PER3: variants seen among roughly 807,000 people sequenced by gnomAD.
The protein encoded by PER3 is period circadian regulator 3.
A neutral mutation model predicts 127.2 loss-of-function variants in PER3; 107 were observed. The ratio of observed to expected loss-of-function variants is 0.84; its 90% CI spans 0.72 to 0.99. The LOEUF (loss-of-function observed/expected upper bound fraction) is 0.99, where lower values mean the gene tolerates loss of function less well. PER3 is among the 50% of genes least tolerant of loss of function. The pLI is 0.00. For missense variants in PER3, 1,560 were observed against 1,525.8 expected (o/e 1.02, Z -0.37); for synonymous variants, 618 against 585.8 (o/e 1.05, Z -0.79).
chr1:7,825,443 T>C (rs760251201), intron 16 of PER3, among the ~76,000 whole-genome samples: 72 of 152,346 alleles, frequency 4.7e-4, no homozygotes, highest in Non-Finnish European at 8.7e-4. Context: ...CGCAGCAGTG[T>C]AGAAGTATGA....
Position 7,826,653 on chromosome 1 carries a change from T to C in PER3, c.2131T>C (p.Tyr711His). Reference sequence around the variant, plus strand: ...CCGAGAAAAGATCCTGTCATCACCCTACAGCTCCTATCTTCAGCAAGAAAG... The same window carrying C: ...CCGAGAAAAGATCCTGTCATCACCCCACAGCTCCTATCTTCAGCAAGAAAG... ...KFREKILSSP[Y>H]SSYLQQESRS... The change falls in exon 17 of 22, where the codon TAC becomes CAC. Residue 711 changes from tyrosine (Y) to histidine (H), a missense_variant. Physicochemically the swap from Tyr to His is moderately conservative, Grantham distance 83. Coordinates refer to ENST00000377532, the MANE Select transcript of PER3 (RefSeq NM_001377275.1). This position sits in a 1 kb window ranked among gnomAD's most constrained non-coding sequence, Gnocchi z 4.2. The C allele has an allele frequency of 6.2e-7, 1 of 1,613,554 alleles. No individual in the cohort carries two copies. The highest frequency in any genetic ancestry group is 8.5e-7 in the Non-Finnish European group (1 of 1,179,444).
intron 13 of PER3, among the ~76,000 whole-genome samples, chr1:7,814,459 G>A (rs1327981335): frequency 4.6e-5 from 7 of 152,208 alleles, no homozygotes; most frequent in South Asian, 4.1e-4. Context: ...CAGAAAAACT[G>A]TCAGCACAGA....
rs1377718323 is a variant in PER3 at position 7,827,763 on chromosome 1, C to A, written c.2834C>A (p.Pro945His). 1 of 1,613,838 alleles carries A rather than the reference C, an allele frequency of 6.2e-7. No homozygotes were observed. The highest frequency in any genetic ancestry group is 8.5e-7 in the Non-Finnish European group (1 of 1,180,018). The change falls in exon 18 of 22, where the codon CCC becomes CAC. Residue 945 changes from proline (P) to histidine (H), a missense_variant. Coordinates refer to ENST00000377532, the MANE Select transcript of PER3 (RefSeq NM_001377275.1). Reference sequence around the variant, plus strand: ...TTACTTCAGGAAGAGATGCCCAGACCCTCTGAATCTCCAGATCAGATGAGA... The same window carrying A: ...TTACTTCAGGAAGAGATGCCCAGACACTCTGAATCTCCAGATCAGATGAGA... ...LNLLQEEMPR[P>H]SESPDQMRRN...
chr1:7,817,590 C>T (rs756502818), intron 13 of PER3, among the ~76,000 whole-genome samples: 29 of 152,200 alleles, frequency 1.9e-4, no homozygotes, highest in Non-Finnish European at 3.2e-4. Context: ...GATGACCAGA[C>T]TCCTCACTAT....
At chr1:7,817,449 T>C (rs1325999612) in intron 13 of PER3, among the ~76,000 whole-genome samples, 1 of 152,168 alleles carries the variant, frequency 6.6e-6, no homozygotes, top group Non-Finnish European at 1.5e-5. Flanking sequence ...TAGGGCTAAA[T>C]ACAAAATTAT....
intron 21 of PER3, 147 bp from the exon 22 acceptor site, chr1:7,842,525 A>G (rs1380501939): frequency 4.1e-6 from 3 of 737,598 alleles, no homozygotes; most frequent in Non-Finnish European, 5.5e-6. Flanking sequence ...AATAGTTATA[A>G]TAATAATAAA....
chr1:7,827,364 T>G lies in PER3; in HGVS notation c.2435T>G (p.Leu812Arg), dbSNP rs776616940. The G allele has an allele frequency of 6.2e-7, 1 of 1,613,812 alleles. No individual in the cohort carries two copies. The highest frequency in any genetic ancestry group is 8.5e-7 in the Non-Finnish European group (1 of 1,179,972). ...CCTTACCTCGTCCCAGCTTTTCCCC[T>G]CCCAGCCGCGACCTCACCCGGAAGA... The part of the protein sequence containing the change: ...QAPYLVPAFP[L>R]PAATSPGREY... The change falls in exon 18 of 22, where the codon CTC becomes CGC. Residue 812 changes from leucine (L) to arginine (R), a missense_variant. Leu to Arg is a moderately radical substitution (Grantham distance 102, BLOSUM62 -2). Transcript: ENST00000377532.
Position 7,784,706 on chromosome 1 carries a change from A to G in PER3, c.-172A>G, listed in dbSNP as rs950801633. The G allele has an allele frequency of 3.2e-5, 19 of 588,272 alleles. No individual in the cohort carries two copies. The highest frequency in any genetic ancestry group is 5.3e-6 in the Non-Finnish European group (2 of 375,590). 36.4% of individuals were successfully genotyped at this position (588,272 alleles called of 1,614,324 possible). ...CCGGGTTTTGAAAATGTTGGAGGGA[A>G]AAGCTCCTCGGAGATGAGCGTGACC... On this transcript the variant is annotated 5_prime_UTR_variant, in exon 2 of 22. Coordinates refer to ENST00000377532, the MANE Select transcript of PER3 (RefSeq NM_001377275.1).
At position 7,792,919 on chromosome 1, in the gene PER3, T is replaced by G. The variant is rs191425001; in HGVS notation, c.593-1038T>G. 1.1e-4 allele frequency among the ~76,000 whole-genome samples: 16 copies of G among 152,288 alleles called. No homozygotes were observed. In the East Asian group the frequency reaches 2.9e-3, roughly 28 times the overall value. On this transcript the variant is annotated intron_variant, in intron 5 of 21. Coordinates refer to ENST00000377532, the MANE Select transcript of PER3 (RefSeq NM_001377275.1). ...GACTTCTAGTGAGTGCAGTTGGAGT[T>G]CATGTGTCTGGTGTGATGAATAAAT...
Position 7,827,618 on chromosome 1 carries a change from C to T in PER3, c.2689C>T (p.Pro897Ser). 2 of 1,614,210 alleles carry T rather than the reference C, an allele frequency of 1.2e-6. No homozygotes were observed. The highest frequency in any genetic ancestry group is 1.1e-5 in the South Asian group (1 of 91,082). The change falls in exon 18 of 22, where the codon CCA becomes TCA. Residue 897 changes from proline to serine, a missense_variant. Physicochemically the swap from Pro to Ser is moderately conservative, Grantham distance 74 (BLOSUM62 -1). Transcript: ENST00000377532. ...ACCCTCAATGTCGTCAGCAATGAGT[C>T]CAACTCTGGACCCACCCCCTTCAGT... The part of the protein sequence containing the change: ...ISPSMSSAMS[P>S]TLDPPPSVTS...
intron 6 of PER3, among the ~76,000 whole-genome samples, chr1:7,797,506 G>A (rs543187872): frequency 1.5e-4 from 23 of 152,104 alleles, no homozygotes; most frequent in Middle Eastern, 3.4e-3. Flanking sequence ...GTGGTGGCAC[G>A]CACCTGTAAT....
rs193272514 is a variant in PER3 at position 7,795,640 on chromosome 1, T to C, written c.644+1632T>C. The stretch of plus-strand genomic sequence containing the variant: ...GGAGTGACACGGAGCTGCTGTGGCC[T>C]GAGTGGAGGAAGGAACGAGGATGGA... On this transcript the variant is annotated intron_variant, in intron 6 of 21. Transcript: ENST00000377532. 1.5e-3 allele frequency among the ~76,000 whole-genome samples: 223 copies of C among 152,214 alleles called. 2 individuals are homozygous for C. Among genetic ancestry groups the C allele is most frequent in the Non-Finnish European group, 4.1e-4 (28 of 68,012 alleles).
intron 19 of PER3, among the ~76,000 whole-genome samples, chr1:7,831,391 T>A (rs2151203726): frequency 6.6e-6 from 1 of 152,342 alleles, no homozygotes; most frequent in African/African-American, 2.4e-5. Context: ...GTCTTTATTA[T>A]CTGCAAATAT....
At position 7,826,079 on chromosome 1, in the gene PER3, G is replaced by C. The variant is rs977879799; in HGVS notation, c.1958-401G>C. Among the ~76,000 whole-genome samples the C allele has an allele frequency of 6.6e-6, 1 of 152,096 alleles. No individual in the cohort carries two copies. Among genetic ancestry groups the C allele is most frequent in the East Asian group, 1.9e-4 (1 of 5,186 alleles). ...CTGCAGGGGAAACAAATGAGAACTA[G>C]ACAGAGCGTGGACGGGGGTGAGGGG... On this transcript the variant is annotated intron_variant, in intron 16 of 21. Coordinates refer to ENST00000377532, the MANE Select transcript of PER3 (RefSeq NM_001377275.1). This position sits in a 1 kb window ranked among gnomAD's most constrained non-coding sequence, Gnocchi z 4.2.
Position 7,794,008 on chromosome 1 carries a change from G to T in PER3, c.644G>T (p.Arg215Leu). Residue 215 changes from arginine (R) to leucine (L), a missense_variant and splice_region_variant, in exon 6 of 22, where the codon CGT becomes CTT. Coordinates refer to ENST00000377532, the MANE Select transcript of PER3 (RefSeq NM_001377275.1). ...APVKPFFCRI[R>L]GGEDRKQEKC... ...GTGAAACCTTTTTTCTGCAGGATCC[G>T]GTAAGTATAGTGGCTCGTGGAAGCC... is the stretch of plus-strand genomic sequence containing the variant. The T allele has an allele frequency of 6.2e-7, 1 of 1,612,582 alleles. No homozygotes were observed. Among genetic ancestry groups the T allele is most frequent in the Non-Finnish European group, 8.5e-7 (1 of 1,178,638 alleles).
intron 15 of PER3, 43 bp downstream of exon 15, chr1:7,820,282 A>G: frequency 6.3e-7 from 1 of 1,586,430 alleles, no homozygotes; most frequent in Non-Finnish European, 8.6e-7. Flanking sequence ...AGAACTGTAA[A>G]TACATCCTTC....
rs1482340005 is a variant in PER3, at chr1:7,786,753, A to G, written c.307A>G (p.Asn103Asp). ...TGAGTTTTTCCAGATTCTCAGTCAG[A>G]ATGGAGCACCTCAGGCAGATGTGAG... is the stretch of plus-strand genomic sequence containing the variant. ...NSEFFQILSQ[N>D]GAPQADVSMY... The change falls in exon 4 of 22, where the codon AAT becomes GAT. Residue 103 changes from asparagine (N) to aspartate (D), a missense_variant. Asn to Asp is a conservative substitution (Grantham distance 23). Coordinates refer to ENST00000377532, the MANE Select transcript of PER3 (RefSeq NM_001377275.1). 19 of 1,610,632 alleles carry G rather than the reference A, an allele frequency of 1.2e-5. No individual in the cohort carries two copies. The South Asian group carries it at 1.8e-4, about 15-fold the overall frequency.
rs2097133509 is a variant in PER3 at position 7,793,969 on chromosome 1, A to G, written c.605A>G (p.Tyr202Cys). ...TCTTTCTTTCTAGCAGCTGCACGGT[A>G]TGAATGTGCTCCGGTGAAACCTTTT... ...NNWTQRAAAR[Y>C]ECAPVKPFFC... The change falls in exon 6 of 22, where the codon TAT (tyrosine) becomes TGT (cysteine). Residue 202 changes from tyrosine to cysteine, a missense_variant. Physicochemically the swap from Tyr to Cys is radical, Grantham distance 194. Coordinates refer to ENST00000377532, the MANE Select transcript of PER3 (RefSeq NM_001377275.1). The G allele has an allele frequency of 6.2e-7, 1 of 1,614,018 alleles. No individual in the cohort carries two copies. Among genetic ancestry groups the G allele is most frequent in the Non-Finnish European group, 8.5e-7 (1 of 1,179,854 alleles).
rs1465917058 is a variant in PER3, at chr1:7,819,266, T to C, written c.1523-19T>C. ...CATGCTGGGTACTTTTAATTGCACA[T>C]CCCTTTATTCTGTTTCAGGTGAATG... On this transcript the variant is annotated intron_variant, in intron 13 of 21. Coordinates refer to ENST00000377532, the MANE Select transcript of PER3 (RefSeq NM_001377275.1). The C allele has an allele frequency of 1.9e-6, 3 of 1,605,042 alleles. No homozygotes were observed. Among genetic ancestry groups the C allele is most frequent in the Non-Finnish European group, 2.6e-6 (3 of 1,174,964 alleles).
Sources: allele counts gnomAD v4.1 joint callset (sites outside exome capture counted in the v4.1 genomes callset), GRCh38; gene constraint gnomAD v4.1.1; non-coding constraint Gnocchi (gnomAD v3.1); transcripts MANE v1.5; gene names NCBI Gene and HGNC (gene_info 2026-07-23, HGNC 2026-07-21).